CTNNA3: variants seen among roughly 807,000 people sequenced by gnomAD.
CTNNA3 encodes the protein catenin alpha 3.
Under a neutral mutation model 95.7 loss-of-function variants are expected in CTNNA3, and 76 were observed. The observed-to-expected ratio is 0.79, with a 90% CI of 0.66 to 0.96. The LOEUF is 0.96. Ranked by LOEUF, CTNNA3 falls within the 40% of genes least tolerant of loss-of-function variation. The pLI, the probability that CTNNA3 is intolerant of heterozygous loss-of-function variation, is 0.00. For synonymous variants in CTNNA3, 431 were observed against 374.4 expected (o/e 1.15, Z -1.74); for missense variants, 1,191 against 1,089.8 (o/e 1.09, Z -1.31).
intron 11 of CTNNA3, among the ~76,000 whole-genome samples, chr10:66,416,046 A>C (rs1412194208): frequency 1.3e-5 from 2 of 152,220 alleles, no homozygotes; most frequent in Non-Finnish European, 2.9e-5. Context: ...AATTCTAAAA[A>C]AACAAAACAA....
chr10:66,965,509 T>C (rs1255205539), intron 7 of CTNNA3, among the ~76,000 whole-genome samples: 2 of 145,322 alleles, frequency 1.4e-5, no homozygotes, highest in East Asian at 4.0e-4. Context: ...CACTCCAGCC[T>C]GGCGACAGAG....
At chr10:66,452,991 G>A (rs757781924) in intron 11 of CTNNA3, among the ~76,000 whole-genome samples, 10 of 152,048 alleles carry the variant, frequency 6.6e-5, no homozygotes, top group South Asian at 2.1e-4. Context: ...TGAGGCAGGC[G>A]GATCACGGGT....
At chr10:66,618,324 C>T (rs1471314034) in intron 10 of CTNNA3, among the ~76,000 whole-genome samples, 2 of 152,112 alleles carry the variant, frequency 1.3e-5, no homozygotes, top group Non-Finnish European at 2.9e-5. Flanking sequence ...TACAAGGCTA[C>T]AGTAACCAAA....
chr10:65,930,219 A>AAAAAAAAAAAAAAAAAAC (rs1564522076), intron 17 of CTNNA3, among the ~76,000 whole-genome samples: 1 of 147,220 alleles, frequency 6.8e-6, no homozygotes, highest in Non-Finnish European at 1.5e-5. Context: ...AAAAAAAAAA[A>AAAAAAAAAAAAAAAAAAC]AAAAAAACAG....
At chr10:66,089,096 C>T (rs963303981) in intron 14 of CTNNA3, among the ~76,000 whole-genome samples, 13 of 151,822 alleles carry the variant, frequency 8.6e-5, no homozygotes, top group African/African-American at 1.7e-4. Flanking sequence ...GTAAAGTTCG[C>T]GCCCCTTTTC....
At chr10:67,232,611 A>G (rs1424102105) in intron 5 of CTNNA3, among the ~76,000 whole-genome samples, 1 of 152,082 alleles carries the variant, frequency 6.6e-6, no homozygotes, top group Admixed American at 6.6e-5. Flanking sequence ...ACTAACGAGC[A>G]AAATAACCAG....
At chr10:66,570,419 G>C (rs1842835982) in intron 10 of CTNNA3, among the ~76,000 whole-genome samples, 1 of 152,010 alleles carries the variant, frequency 6.6e-6, no homozygotes, top group Non-Finnish European at 1.5e-5. Flanking sequence ...CTTCCCAGTA[G>C]ATGGGATTAC....
chr10:66,520,821 C>G, intron 10 of CTNNA3, 48 bp from the exon 11 acceptor site: 1 of 1,496,968 alleles, frequency 6.7e-7, no homozygotes, highest in Middle Eastern at 1.8e-4. Flanking sequence ...GCAATGTTCA[C>G]TATTTGGGTG....
rs148105212 is a variant in CTNNA3 at position 66,070,630 on chromosome 10, G to T, written c.1978-1141C>A. ...CTCATAATAAAGCTATTCAAGAGCT[G>T]AACTGGTTAAGTGTATTCCAAGTTC... is the stretch of plus-strand genomic sequence containing the variant. On this transcript the variant is annotated intron_variant, in intron 14 of 17. Transcript: ENST00000433211. 5.8e-4 allele frequency among the ~76,000 whole-genome samples: 89 copies of T among 152,238 alleles called. 2 individuals are homozygous for T. In the East Asian group the frequency reaches 0.015, roughly 26 times the overall value.
intron 2 of CTNNA3, among the ~76,000 whole-genome samples, chr10:67,622,596 C>A (rs976722608): frequency 6.6e-5 from 10 of 152,142 alleles, no homozygotes; most frequent in Non-Finnish European, 1.5e-4. Flanking sequence ...CTGGTGGGGG[C>A]CTCCTTGTAT....
intron 11 of CTNNA3, 87 bp downstream of exon 11, chr10:66,520,530 G>T: frequency 2.4e-6 from 3 of 1,239,004 alleles, no homozygotes; most frequent in Non-Finnish European, 2.2e-6. Flanking sequence ...GGCATTACAG[G>T]CATGAGCCAC....
At chr10:67,275,433 A>G (rs1839149893) in intron 5 of CTNNA3, among the ~76,000 whole-genome samples, 1 of 152,178 alleles carries the variant, frequency 6.6e-6, no homozygotes, top group African/African-American at 2.4e-5. Flanking sequence ...TACAACAGCT[A>G]CATATTACCT....
intron 13 of CTNNA3, among the ~76,000 whole-genome samples, chr10:66,211,221 T>C (rs938416378): frequency 1.3e-5 from 2 of 152,150 alleles, no homozygotes; most frequent in African/African-American, 4.8e-5. Context: ...GGCGTGAACA[T>C]ATAATGGATG....
chr10:66,866,318 T>C (rs1245607611), intron 7 of CTNNA3, among the ~76,000 whole-genome samples: 1 of 152,214 alleles, frequency 6.6e-6, no homozygotes, highest in Non-Finnish European at 1.5e-5. Context: ...TCTTCTTCCC[T>C]TGATTGTGAG....
intron 5 of CTNNA3, among the ~76,000 whole-genome samples, chr10:67,303,670 G>A (rs1008604910): frequency 5.9e-5 from 9 of 152,184 alleles, no homozygotes; most frequent in African/African-American, 2.2e-4. Flanking sequence ...TTTATGGTTA[G>A]TGACCAACCC....
chr10:66,009,939 A>C (rs1440871774), intron 15 of CTNNA3, among the ~76,000 whole-genome samples: 1 of 152,206 alleles, frequency 6.6e-6, no homozygotes, highest in Non-Finnish European at 1.5e-5. Context: ...TCTGAGTTGC[A>C]AATAAGCTTC....
intron 13 of CTNNA3, among the ~76,000 whole-genome samples, chr10:66,123,346 C>A (rs977070656): frequency 6.6e-6 from 1 of 152,126 alleles, no homozygotes; most frequent in Non-Finnish European, 1.5e-5. Flanking sequence ...GTCTCGCATC[C>A]GGGTCATGCT....
At chr10:67,317,388 G>A (rs1291480093) in intron 5 of CTNNA3, among the ~76,000 whole-genome samples, 1 of 89,936 alleles carries the variant, frequency 1.1e-5, no homozygotes, top group Non-Finnish European at 2.1e-5. Context: ...ACAGTCCCCC[G>A]TGTGTGATGT....
At chr10:66,617,596 C>A (rs1405236085) in intron 10 of CTNNA3, among the ~76,000 whole-genome samples, 1 of 152,038 alleles carries the variant, frequency 6.6e-6, no homozygotes, top group East Asian at 1.9e-4. Flanking sequence ...AAACCCACAG[C>A]CAATATCATA....
Sources: allele counts gnomAD v4.1 joint callset (sites outside exome capture counted in the v4.1 genomes callset), GRCh38; gene constraint gnomAD v4.1.1; transcripts MANE v1.5; gene names NCBI Gene and HGNC (gene_info 2026-07-23, HGNC 2026-07-21).